PWWP3A: variants seen among roughly 807,000 people sequenced by gnomAD.
PWWP3A encodes the protein PWWP domain containing 3A, DNA repair factor, also known as PWWP domain-containing DNA repair factor 3A.
PWWP3A carries 53 observed loss-of-function variants against 79.0 expected under a neutral mutation model. The ratio of observed to expected loss-of-function variants is 0.67; its 90% CI spans 0.54 to 0.84. PWWP3A has a LOEUF of 0.84. Among genes scored for constraint, PWWP3A ranks in the 40% least tolerant of loss-of-function variants. The pLI is 0.00. For missense variants in PWWP3A, 973 were observed against 948.0 expected (o/e 1.03, Z -0.35); for synonymous variants, 443 against 394.4 (o/e 1.12, Z -1.46).
At chr19:1,374,614 A>G (rs1024909813) in intron 13 of PWWP3A, among the ~76,000 whole-genome samples, 1 of 152,208 alleles carries the variant, frequency 6.6e-6, no homozygotes, top group Non-Finnish European at 1.5e-5. Flanking sequence ...CAGAGCCAGC[A>G]GCCGTTGTTG....
At chr19:1,375,965 A>T (rs564382608) in intron 13 of PWWP3A, among the ~76,000 whole-genome samples, 6 of 150,696 alleles carry the variant, frequency 4.0e-5, no homozygotes, top group Admixed American at 3.3e-4. Context: ...GCCCACTACC[A>T]CGCCTGGCTA....
At chr19:1,376,449 C>G in intron 13 of PWWP3A, 70 bp from the exon 14 acceptor site, 1 of 1,518,650 alleles carries the variant, frequency 6.6e-7, no homozygotes, top group Non-Finnish European at 9.1e-7. Flanking sequence ...CGACCACACC[C>G]AGTCCTCTCT....
At chr19:1,372,684 G>A (rs568819140) in intron 12 of PWWP3A, 3 of 159,138 alleles carry the variant, frequency 1.9e-5, no homozygotes, top group African/African-American at 4.8e-5. Flanking sequence ...CTGAACCCGG[G>A]AGGCAGAGGT....
At position 1,360,196 on chromosome 19, in the gene PWWP3A, G is replaced by A; in HGVS notation, c.275G>A (p.Arg92His). The A allele has an allele frequency of 4.4e-6, 7 of 1,607,960 alleles. No homozygotes were observed. Among genetic ancestry groups the A allele is most frequent in the Non-Finnish European group, 5.9e-6 (7 of 1,177,420 alleles). ...LEELAYRRSLRVALDVLSEGS... is the reference protein window; with the variant it reads ...LEELAYRRSLHVALDVLSEGS... The stretch of plus-strand genomic sequence containing the variant: ...GAACTGGCCTACAGACGGTCGCTTC[G>A]CGTGGCTCTGGACGTTCTGAGCGAG... Residue 92 changes from arginine (R) to histidine (H), a missense_variant, in exon 5 of 14, where the codon CGC becomes CAC. By Grantham distance (29) the Arg-to-His change is conservative (BLOSUM62 0). Coordinates refer to ENST00000591337, the MANE Select transcript of PWWP3A (RefSeq NM_001369789.1). The surrounding 1 kb of genome is among the most constrained non-coding windows in gnomAD (Gnocchi z 4.4).
chr19:1,376,302 TTTTTG>T (rs1440040564), intron 13 of PWWP3A, among the ~76,000 whole-genome samples: 13 of 96,124 alleles, frequency 1.4e-4, no homozygotes, highest in African/African-American at 3.2e-4. Flanking sequence ...TTTGTTTTTT[TTTTTG>T]TTTGTTTTTT....
intron 5 of PWWP3A, among the ~76,000 whole-genome samples, 172 bp downstream of exon 5, chr19:1,361,204 C>T (rs1163025799): frequency 6.6e-6 from 1 of 152,206 alleles, no homozygotes; most frequent in African/African-American, 2.4e-5. Context: ...CCCCACTGGG[C>T]TATAATTGCT....
intron 12 of PWWP3A, among the ~76,000 whole-genome samples, chr19:1,371,931 A>G (rs2082269659): frequency 6.6e-6 from 1 of 151,470 alleles, no homozygotes; most frequent in African/African-American, 2.4e-5. Context: ...TAGCCTTCCA[A>G]GTAGCTGGGA....
At chr19:1,373,804 CTG>C (rs2082310932) in intron 13 of PWWP3A, 1 of 152,652 alleles carries the variant, frequency 6.6e-6, no homozygotes, top group Non-Finnish European at 1.5e-5. Flanking sequence ...GGTGAAGACA[CTG>C]AACTCCCTCA....
intron 12 of PWWP3A, chr19:1,371,380 A>G (rs2082256694): frequency 1.4e-6 from 1 of 702,990 alleles, no homozygotes; most frequent in Non-Finnish European, 2.6e-6. Flanking sequence ...GATGCTTCCC[A>G]GCCTCGGTGG....
chr19:1,369,565 C>G lies in PWWP3A; in HGVS notation c.1499-31C>G, dbSNP rs575699445. On this transcript the variant is annotated intron_variant, in intron 10 of 13. Coordinates refer to ENST00000591337, the MANE Select transcript of PWWP3A (RefSeq NM_001369789.1). This position sits in a 1 kb window ranked among gnomAD's most constrained non-coding sequence, Gnocchi z 4.0. ...CTTCCTGGGACTCCTCTTAGGTCTA[C>G]ACAGTGCTCTCTCCCCTCCACCCCC... 14 of 1,613,640 alleles carry G rather than the reference C, an allele frequency of 8.7e-6. No homozygotes were observed. The South Asian group carries it at 1.4e-4, about 16-fold the overall frequency.
At position 1,360,950 on chromosome 19, in the gene PWWP3A, C is replaced by A; in HGVS notation, c.1029C>A (p.Ala343=). 1 of 1,489,270 alleles carries A rather than the reference C, an allele frequency of 6.7e-7. No individual in the cohort carries two copies. The highest frequency in any genetic ancestry group is 2.5e-5 in the Admixed American group (1 of 39,280). 92.3% of individuals were successfully genotyped at this position (1,489,270 alleles called of 1,614,324 possible). ...AGTCTGTGACCCCGCGCAGCACCGC[C>A]AGGCTGGGCCCGCCTCCCTCCCACG... The part of the protein sequence containing the change: ...PRESVTPRST[A]RLGPPPSHAS... Residue 343 remains alanine (A), a synonymous_variant, in exon 5 of 14, where the codon GCC becomes GCA. Coordinates refer to ENST00000591337, the MANE Select transcript of PWWP3A (RefSeq NM_001369789.1). This position sits in a 1 kb window ranked among gnomAD's most constrained non-coding sequence, Gnocchi z 4.4.
intron 4 of PWWP3A, chr19:1,358,785 T>A: frequency 1.3e-6 from 1 of 781,112 alleles, no homozygotes; most frequent in Non-Finnish European, 2.0e-6. Context: ...GGGGAGGTCC[T>A]CCTTTTTCCT....
At position 1,360,141 on chromosome 19, in the gene PWWP3A, C is replaced by T; in HGVS notation, c.220C>T (p.Gln74Ter). The T allele has an allele frequency of 3.9e-6, 6 of 1,554,922 alleles. No homozygotes were observed. The highest frequency in any genetic ancestry group is 5.2e-6 in the Non-Finnish European group (6 of 1,152,026). The change falls in exon 5 of 14, where the codon CAG (glutamine) becomes TAG (stop). Residue 74 changes from glutamine to a stop codon, truncating the protein, a stop_gained. Coordinates refer to ENST00000591337, the MANE Select transcript of PWWP3A (RefSeq NM_001369789.1). LOFTEE classifies it high-confidence loss of function. The surrounding 1 kb of genome is among the most constrained non-coding windows in gnomAD (Gnocchi z 4.4). ...IEAIASSLAS[Q>*]NEVPAAPLEE... ...TGTATGTTCGGTCCTTGCAGCCTCA[C>T]AGAATGAGGTTCCTGCGGCACCCCT...
At chr19:1,362,423 C>G (rs950628314) in intron 6 of PWWP3A, 72 bp downstream of exon 6, 13 of 1,190,196 alleles carry the variant, frequency 1.1e-5, no homozygotes, top group African/African-American at 3.1e-5. Context: ...GGCTCCGAGA[C>G]CGGGCCCCAC....
At chr19:1,374,764 A>C (rs1269420702) in intron 13 of PWWP3A, among the ~76,000 whole-genome samples, 1 of 152,128 alleles carries the variant, frequency 6.6e-6, no homozygotes, top group Non-Finnish European at 1.5e-5. Flanking sequence ...ATTTTTAGTC[A>C]GTCACAGTGG....
intron 8 of PWWP3A, 130 bp from the exon 9 acceptor site, chr19:1,367,030 C>T (rs149710153): frequency 8.8e-6 from 6 of 683,712 alleles, no homozygotes; most frequent in South Asian, 1.9e-5. Flanking sequence ...AAACGGTCAC[C>T]TTCCATAAAT....
chr19:1,367,528 C>T (rs1018754579), intron 9 of PWWP3A, among the ~76,000 whole-genome samples: 44 of 152,336 alleles, frequency 2.9e-4, no homozygotes, highest in African/African-American at 9.4e-4. Context: ...AGAGCCTCTG[C>T]GCAAGGCCAC....
chr19:1,359,519 C>T (rs1246887624), intron 4 of PWWP3A: 1 of 151,700 alleles, frequency 6.6e-6, no homozygotes, highest in Non-Finnish European at 1.5e-5. Context: ...CATCCATCAT[C>T]TTGTTCAAAT....
chr19:1,376,120 C>CTT, intron 13 of PWWP3A, among the ~76,000 whole-genome samples: 1 of 130,708 alleles, frequency 7.7e-6, no homozygotes, highest in African/African-American at 3.1e-5. Flanking sequence ...CTCTGTCATA[C>CTT]TCTTTTTTTT....
Sources: gnomAD v4.1 joint callset for allele counts (sites outside exome capture counted in the v4.1 genomes callset) on GRCh38, gnomAD v4.1.1 for gene constraint, Gnocchi (gnomAD v3.1) non-coding constraint, MANE v1.5 for transcripts, NCBI Gene and HGNC (gene_info 2026-07-23, HGNC 2026-07-21) for gene names.